Variants in LPIN1 observed in about 807,000 individuals in gnomAD.
The protein encoded by LPIN1 is phosphatidate phosphatase LPIN1.
LPIN1 carries 71 observed loss-of-function variants against 107.5 expected under a neutral mutation model. That is an observed-to-expected ratio of 0.66 (90% CI 0.55 to 0.80). The LOEUF (loss-of-function observed/expected upper bound fraction) is 0.80. Ranked by LOEUF, LPIN1 falls within the 30% of genes least tolerant of loss-of-function variation. LPIN1 has a pLI of 0.00. For missense variants in LPIN1, 1,043 were observed against 1,160.6 expected (o/e 0.90, Z 1.47); for synonymous variants, 445 against 452.6 (o/e 0.98, Z 0.21).
chr2:11,783,770 A>G, intron 8 of LPIN1, 59 bp from the exon 9 acceptor site: 1 of 1,374,432 alleles, frequency 7.3e-7, no homozygotes, highest in Non-Finnish European at 1.0e-6. Context: ...TATAGATACA[A>G]GGCCATGAGC....
At position 11,802,894 on chromosome 2, in the gene LPIN1, C is replaced by T. The variant is rs761235188; in HGVS notation, c.1887-13C>T. 8.7e-6 allele frequency: 14 copies of T among 1,612,490 alleles called. No homozygotes were observed. The highest frequency in any genetic ancestry group is 1.7e-5 in the Admixed American group (1 of 60,006). On this transcript the variant is annotated splice_polypyrimidine_tract_variant and intron_variant, in intron 14 of 20. Transcript: ENST00000674199. ...CATTTTCTAATTGGTGATGACATCACTGTGTGTTCCAGGGTAAAGCATGAA... is the reference window on the plus strand; with the variant it reads ...CATTTTCTAATTGGTGATGACATCATTGTGTGTTCCAGGGTAAAGCATGAA...
intron 1 of LPIN1, among the ~76,000 whole-genome samples, chr2:11,726,662 T>C (rs2148541035): frequency 6.6e-6 from 1 of 152,292 alleles, no homozygotes; most frequent in African/African-American, 2.4e-5. Context: ...AGTAGGCATA[T>C]GTGGCAATGT....
rs1670595712 is a variant in LPIN1, at chr2:11,765,150, C to T, written c.-9-383C>T. Among the ~76,000 whole-genome samples the T allele has an allele frequency of 6.6e-6, 1 of 151,346 alleles. No homozygotes were observed. The highest frequency in any genetic ancestry group is 1.5e-5 in the Non-Finnish European group (1 of 67,854). ...ATGGGCCGTAATGGGCCATGATGGA[C>T]CGTGATGGGCCGTAACGGGCCGTGA... On this transcript the variant is annotated intron_variant, in intron 1 of 20. Transcript: ENST00000674199. This position sits in a 1 kb window ranked among gnomAD's most constrained non-coding sequence, Gnocchi z 4.4.
At chr2:11,775,150 A>C (rs986536931) in intron 5 of LPIN1, among the ~76,000 whole-genome samples, 4 of 152,154 alleles carry the variant, frequency 2.6e-5, no homozygotes, top group African/African-American at 7.2e-5. Flanking sequence ...GAACATCCCA[A>C]TTTGGACAAG....
chr2:11,777,966 C>T (rs1672937207), intron 6 of LPIN1, among the ~76,000 whole-genome samples: 1 of 152,158 alleles, frequency 6.6e-6, no homozygotes, highest in Admixed American at 6.5e-5. Context: ...CTTGTAGGTA[C>T]TGAGGCCCCT....
intron 2 of LPIN1, among the ~76,000 whole-genome samples, chr2:11,715,385 G>A (rs1336136301): frequency 6.6e-6 from 1 of 152,182 alleles, no homozygotes; most frequent in Non-Finnish European, 1.5e-5. Flanking sequence ...AGGACGGGAG[G>A]CGCCAAGCAG....
chr2:11,698,846 G>C (rs930035307), intron 1 of LPIN1, among the ~76,000 whole-genome samples: 3 of 152,218 alleles, frequency 2.0e-5, no homozygotes, highest in Non-Finnish European at 1.5e-5. Context: ...TGAGCCAGTG[G>C]TTGGCCTTGG....
chr2:11,747,010 C>G (rs2148567725), intron 1 of LPIN1, among the ~76,000 whole-genome samples: 1 of 152,304 alleles, frequency 6.6e-6, no homozygotes, highest in African/African-American at 2.4e-5. Flanking sequence ...GTCCCAGAAC[C>G]GCGGGGACTA....
upstream of LPIN1, chr2:11,746,589 C>T (rs890706800): frequency 4.3e-4 from 418 of 978,984 alleles, no homozygotes; most frequent in Non-Finnish European, 4.9e-4. Context: ...GCCCCTGCCC[C>T]GCCCCCGAAG....
chr2:11,760,164 C>T (rs1404144085), intron 1 of LPIN1, among the ~76,000 whole-genome samples: 5 of 150,382 alleles, frequency 3.3e-5, no homozygotes, highest in Non-Finnish European at 7.4e-5. Flanking sequence ...GACGGGATGG[C>T]GGCCGGGAAG....
intron 1 of LPIN1, chr2:11,724,613 G>T (rs1321224345): frequency 1.3e-5 from 13 of 985,514 alleles, no homozygotes; most frequent in Non-Finnish European, 1.6e-5. Flanking sequence ...CCTTCTGATG[G>T]GGAGATGAGA....
At chr2:11,805,432 G>A (rs184232420) in intron 17 of LPIN1, 1 of 554,438 alleles carries the variant, frequency 1.8e-6, no homozygotes, top group African/African-American at 1.9e-5. Context: ...TTAGGGGTGA[G>A]ACTGAGGTTT....
At position 11,714,186 on chromosome 2, in the gene LPIN1, T is replaced by TTA. The variant is rs1572376101; in HGVS notation, c.138+374_138+375insTA. 2.0e-5 allele frequency among the ~76,000 whole-genome samples: 3 copies of TTA among 152,228 alleles called. No homozygotes were observed. The East Asian group carries it at 5.8e-4, about 29-fold the overall frequency. Reference sequence around the variant, plus strand: ...TTTACTGGACGATCCTTACCGCAAATGCAGTTGCACATGACTAATGAGAGC... The same window carrying TTA: ...TTTACTGGACGATCCTTACCGCAAATTAGCAGTTGCACATGACTAATGAGAGC... On this transcript the variant is annotated intron_variant, in intron 2 of 21. Coordinates refer to the LPIN1 transcript ENST00000449576.
Position 11,771,232 on chromosome 2 carries a change from G to T in LPIN1, c.289-140G>T. 1 of 752,670 alleles carries T rather than the reference G, an allele frequency of 1.3e-6. No individual in the cohort carries two copies. The highest frequency in any genetic ancestry group is 2.3e-6 in the Non-Finnish European group (1 of 439,042). 46.6% of individuals were successfully genotyped at this position (752,670 alleles called of 1,614,324 possible). On this transcript the variant is annotated intron_variant, in intron 3 of 20. Coordinates refer to ENST00000674199, the MANE Select transcript of LPIN1 (RefSeq NM_001349206.2). This position sits in a 1 kb window ranked among gnomAD's most constrained non-coding sequence, Gnocchi z 4.8. ...ACATCTCCAGGTCACCATGGCTGTGGCCTCTAGCTGGGCCATCTGCTGTGG... is the reference window on the plus strand; with the variant it reads ...ACATCTCCAGGTCACCATGGCTGTGTCCTCTAGCTGGGCCATCTGCTGTGG...
intron 1 of LPIN1, among the ~76,000 whole-genome samples, chr2:11,689,269 T>C (rs1662155991): frequency 6.6e-6 from 1 of 152,204 alleles, no homozygotes; most frequent in African/African-American, 2.4e-5. Context: ...TGAACTGCCC[T>C]GGTCGTTTCA....
intron 6 of LPIN1, among the ~76,000 whole-genome samples, chr2:11,778,556 A>G (rs561338071): frequency 2.0e-5 from 3 of 152,350 alleles, no homozygotes; most frequent in East Asian, 3.9e-4. Flanking sequence ...CAGAAGCATC[A>G]GTTTCCGAAG....
chr2:11,739,845 A>C (rs769490051), intron 1 of LPIN1, among the ~76,000 whole-genome samples: 12 of 152,236 alleles, frequency 7.9e-5, no homozygotes, highest in Non-Finnish European at 1.5e-4. Context: ...TAAAACGGCT[A>C]CTATTTATAT....
At chr2:11,684,668 C>T (rs749913088) in intron 1 of LPIN1, among the ~76,000 whole-genome samples, 2 of 152,150 alleles carry the variant, frequency 1.3e-5, no homozygotes, top group Non-Finnish European at 2.9e-5. Flanking sequence ...TGGGAGAAGG[C>T]ATTTTCTATT....
intron 7 of LPIN1, among the ~76,000 whole-genome samples, chr2:11,781,926 T>C (rs1333511105): frequency 6.6e-6 from 1 of 152,238 alleles, no homozygotes; most frequent in African/African-American, 2.4e-5. Flanking sequence ...AAAAGACTTG[T>C]AATCTAACAG....
Sources: gnomAD v4.1 joint callset for allele counts (sites outside exome capture counted in the v4.1 genomes callset) on GRCh38, gnomAD v4.1.1 for gene constraint, Gnocchi (gnomAD v3.1) non-coding constraint, MANE v1.5 for transcripts, NCBI Gene and HGNC (gene_info 2026-07-23, HGNC 2026-07-21) for gene names.